Variants in PFKFB1 observed in about 807,000 individuals in gnomAD.
PFKFB1 encodes the protein 6-phosphofructo-2-kinase/fructose-2,6-biphosphatase 1.
A neutral mutation model predicts 46.4 loss-of-function variants in PFKFB1; 34 were observed. The ratio of observed to expected loss-of-function variants is 0.73; its 90% CI spans 0.56 to 0.98. PFKFB1 has a LOEUF of 0.98. Ranked by LOEUF, PFKFB1 falls within the 50% of genes least tolerant of loss-of-function variation. The pLI, the probability that PFKFB1 is intolerant of heterozygous loss-of-function variation, is 0.00. For synonymous variants in PFKFB1, 119 were observed against 133.8 expected (o/e 0.89, Z 0.76); for missense variants, 393 against 376.3 (o/e 1.04, Z -0.37).
At chrX:54,954,594 C>T (rs1324885090) in intron 7 of PFKFB1, among the ~76,000 whole-genome samples, 1 of 111,841 alleles carries the variant, frequency 8.9e-6, no homozygotes, top group African/African-American at 3.3e-5. Context: ...TTGCTGGTAA[C>T]CTCAGTGTAG....
chrX:54,959,946 T>A, intron 3 of PFKFB1, 53 bp from the exon 4 acceptor site: 3 of 842,508 alleles, frequency 3.6e-6, no homozygotes, highest in Non-Finnish European at 3.5e-6. Flanking sequence ...CAGGATGGAT[T>A]TCTCTCTCAT....
At chrX:54,933,559 C>G (rs1933289586) in intron 13 of PFKFB1, 97 bp from the exon 14 acceptor site, 1 of 733,262 alleles carries the variant, frequency 1.4e-6, no homozygotes, top group Non-Finnish European at 2.1e-6. Flanking sequence ...TCCCCTCTTT[C>G]AGCCAGGCCC....
At chrX:54,990,206 A>ATTT (rs1171624004) in intron 1 of PFKFB1, among the ~76,000 whole-genome samples, 4 of 111,294 alleles carry the variant, frequency 3.6e-5, no homozygotes, top group African/African-American at 1.3e-4. Flanking sequence ...TAAAGATAAA[A>ATTT]AAGGATCAAA....
At chrX:54,933,965 C>A in intron 12 of PFKFB1, 80 bp from the exon 13 acceptor site, 2 of 725,072 alleles carry the variant, frequency 2.8e-6, no homozygotes, top group Non-Finnish European at 2.1e-6. Context: ...TCCCCTCCCC[C>A]ATCACCAGCC....
Position 54,986,206 on chromosome X carries a change from C to T in PFKFB1, c.97+7705G>A, listed in dbSNP as rs185887725. On this transcript the variant is annotated intron_variant, in intron 1 of 13. Transcript: ENST00000375006. Reference sequence around the variant, plus strand: ...GTGGCTCACGCCTATAATCCGAGCACTTTGGGAAACCAAGGTGGGAGGATC... The same window carrying T: ...GTGGCTCACGCCTATAATCCGAGCATTTTGGGAAACCAAGGTGGGAGGATC... Among the ~76,000 whole-genome samples the T allele has an allele frequency of 2.1e-3, 241 of 112,237 alleles. 1 individual carries two copies. Among genetic ancestry groups the T allele is most frequent in the African/African-American group, 6.1e-3 (190 of 30,984 alleles).
rs1393651972 is a variant in PFKFB1, at chrX:54,963,242, C to G, written c.223+15G>C. 1 of 1,206,707 alleles carries G rather than the reference C, an allele frequency of 8.3e-7. No individual in the cohort carries two copies. The highest frequency in any genetic ancestry group is 1.1e-6 in the Non-Finnish European group (1 of 893,111). The stretch of plus-strand genomic sequence containing the variant: ...CTTTTATGGGGTTGTTGAACAAAGG[C>G]TTTCAGAGACATACCTTTAGTTGGT... On this transcript the variant is annotated intron_variant, in intron 2 of 13. Coordinates refer to ENST00000375006, the MANE Select transcript of PFKFB1 (RefSeq NM_002625.4).
intron 10 of PFKFB1, among the ~76,000 whole-genome samples, chrX:54,940,020 A>G (rs369272987): frequency 2.7e-5 from 3 of 111,936 alleles, no homozygotes; most frequent in African/African-American, 9.7e-5. Context: ...GAATCCAGCA[A>G]CACATCAAAA....
intron 4 of PFKFB1, among the ~76,000 whole-genome samples, chrX:54,959,618 T>C (rs1181829376): frequency 8.9e-6 from 1 of 111,825 alleles, no homozygotes; most frequent in Non-Finnish European, 1.9e-5. Context: ...CCTTGGGAAA[T>C]TATTTAATGT....
At chrX:54,937,993 T>G (rs898638413) in intron 10 of PFKFB1, among the ~76,000 whole-genome samples, 1 of 111,878 alleles carries the variant, frequency 8.9e-6, no homozygotes, top group African/African-American at 3.2e-5. Flanking sequence ...CCACTGCAAA[T>G]TGTCTTCTTA....
intron 1 of PFKFB1, among the ~76,000 whole-genome samples, chrX:54,978,053 A>AT (rs934550823): frequency 5.4e-5 from 6 of 110,412 alleles, no homozygotes; most frequent in Non-Finnish European, 9.5e-5. Flanking sequence ...GCTATTGATA[A>AT]TGGGAGAGGC....
intron 1 of PFKFB1, among the ~76,000 whole-genome samples, chrX:54,978,986 T>C (rs998455832): frequency 1.4e-4 from 16 of 111,441 alleles, no homozygotes; most frequent in Non-Finnish European, 2.8e-4. Flanking sequence ...CTGGAACATA[T>C]AAAGGACGTT....
At chrX:54,960,030 GC>G in intron 3 of PFKFB1, 137 bp from the exon 4 acceptor site, 1 of 515,620 alleles carries the variant, frequency 1.9e-6, no homozygotes, top group Non-Finnish European at 3.4e-6. Context: ...TACACAGGGT[GC>G]CCTACGCTTT....
chrX:54,957,227 A>G (rs1045741496), intron 6 of PFKFB1, among the ~76,000 whole-genome samples: 1 of 111,155 alleles, frequency 9.0e-6, no homozygotes, highest in African/African-American at 3.3e-5. Context: ...CTTATTTTCC[A>G]TTCTTCACCC....
At chrX:54,982,289 C>T (rs1935014715) in intron 1 of PFKFB1, among the ~76,000 whole-genome samples, 1 of 110,421 alleles carries the variant, frequency 9.1e-6, no homozygotes, top group African/African-American at 3.3e-5. Flanking sequence ...CCAGAATTAC[C>T]CTGATATCAA....
intron 7 of PFKFB1, among the ~76,000 whole-genome samples, chrX:54,954,499 C>T (rs1174945848): frequency 1.8e-5 from 2 of 111,831 alleles, no homozygotes; most frequent in Admixed American, 9.4e-5. Flanking sequence ...GGTGACAGAG[C>T]GGGACTCTGT....
intron 5 of PFKFB1, 33 bp from the exon 6 acceptor site, chrX:54,958,395 G>A: frequency 1.0e-6 from 1 of 964,412 alleles, no homozygotes; most frequent in Non-Finnish European, 1.5e-6. Context: ...ATTTCCAGCA[G>A]GAAATTATGT....
upstream of PFKFB1, chrX:54,994,388 T>C (rs1389223572): frequency 2.4e-5 from 18 of 752,277 alleles, no homozygotes; most frequent in Non-Finnish European, 2.7e-5. Flanking sequence ...ACAAGACTAA[T>C]AGAGTATGCA....
chrX:54,961,293 G>A (rs1052085410), intron 2 of PFKFB1, among the ~76,000 whole-genome samples: 1 of 111,402 alleles, frequency 9.0e-6, no homozygotes, highest in Admixed American at 9.5e-5. Context: ...CCAGTGGAAA[G>A]ATGAAGAAAT....
chrX:54,994,116 G>A lies in PFKFB1; in HGVS notation c.-109C>T. 3 of 1,123,193 alleles carry A rather than the reference G, an allele frequency of 2.7e-6. No homozygotes were observed. The highest frequency in any genetic ancestry group is 3.5e-6 in the Non-Finnish European group (3 of 851,805). The allele number at this position is 1,123,193 out of a possible 1,213,427, so 92.6% of individuals were successfully genotyped here. A position where few individuals can be genotyped will look rare whatever the true frequency, so the allele number is the denominator to read the frequency against. On this transcript the variant is annotated 5_prime_UTR_variant, in exon 1 of 14. Coordinates refer to ENST00000375006, the MANE Select transcript of PFKFB1 (RefSeq NM_002625.4). ...GTGGCCACAGCAGCAGGTGGACAGG[G>A]CTGGGACAGGGGGTGTACTGGGTTT...
Sources: allele counts gnomAD v4.1 joint callset (sites outside exome capture counted in the v4.1 genomes callset), GRCh38; gene constraint gnomAD v4.1.1; transcripts MANE v1.5; gene names NCBI Gene and HGNC (gene_info 2026-07-23, HGNC 2026-07-21).